The following GRIN3A variants were observed in gnomAD, a reference collection of about 807,000 sequenced individuals.
GRIN3A encodes the protein glutamate ionotropic receptor NMDA type subunit 3A, also known as glutamate receptor ionotropic, NMDA 3A.
GRIN3A carries 47 observed loss-of-function variants against 92.4 expected under a neutral mutation model. The observed-to-expected ratio is 0.51, with a 90% CI of 0.40 to 0.65. The LOEUF is 0.65. GRIN3A is among the 30% of genes least tolerant of loss of function. The probability of loss-of-function intolerance (pLI) is 0.00; values close to 1 mark genes in which losing one functional copy is unlikely to be tolerated. For synonymous variants in GRIN3A, 527 were observed against 540.6 expected, an observed-to-expected ratio of 0.97 and a Z score of 0.35; for missense variants, 1,324 against 1,393.1, an observed-to-expected ratio of 0.95 and a Z score of 0.79.
At chr9:101,643,045 G>T (rs1341142754) in intron 3 of GRIN3A, among the ~76,000 whole-genome samples, 6 of 152,116 alleles carry the variant, frequency 3.9e-5, no homozygotes, top group African/African-American at 1.4e-4. Context: ...TAATGCACTT[G>T]AATCATCCCA....
At chr9:101,599,981 T>C (rs1432942246) in intron 6 of GRIN3A, among the ~76,000 whole-genome samples, 1 of 152,196 alleles carries the variant, frequency 6.6e-6, no homozygotes, top group African/African-American at 2.4e-5. Flanking sequence ...AGGTTTGTCA[T>C]CTGTTTGGTT....
chr9:101,617,624 A>ATTT (rs754419366), intron 5 of GRIN3A, among the ~76,000 whole-genome samples: 1 of 150,836 alleles, frequency 6.6e-6, no homozygotes, highest in African/African-American at 2.5e-5. Context: ...TATTTTATTT[A>ATTT]TTTATTTTGT....
intron 8 of GRIN3A, among the ~76,000 whole-genome samples, chr9:101,576,134 T>C (rs11791337): frequency 0.092 from 13,995 of 152,218 alleles, 695 homozygotes; most frequent in Middle Eastern, 0.14. Flanking sequence ...ACATTTAGGC[T>C]TTGCTTTGAT....
rs760295665 is a variant in GRIN3A at position 101,687,002 on chromosome 9, T to A, written c.898A>T (p.Asn300Tyr). ...HLGSIINITA[N>Y]LPSTQDLLSF... ...AAGAGGTCCTGGGTGGAGGGGAGGT[T>A]AGCGGTGATGTTGATGATAGAACCA... The change falls in exon 2 of 9, where the codon AAC (asparagine) becomes TAC (tyrosine). Residue 300 changes from asparagine to tyrosine, a missense_variant. Coordinates refer to ENST00000361820, the MANE Select transcript of GRIN3A (RefSeq NM_133445.3). The A allele has an allele frequency of 6.2e-7, 1 of 1,614,070 alleles. No individual in the cohort carries two copies.
chr9:101,717,016 G>C (rs1450748681), intron 1 of GRIN3A, among the ~76,000 whole-genome samples: 1 of 152,046 alleles, frequency 6.6e-6, no homozygotes, highest in East Asian at 1.9e-4. Flanking sequence ...GTATTATTTG[G>C]GACTGTTTTG....
intron 1 of GRIN3A, among the ~76,000 whole-genome samples, chr9:101,729,960 T>G (rs1830119797): frequency 1.3e-5 from 2 of 152,176 alleles, no homozygotes; most frequent in Non-Finnish European, 1.5e-5. Flanking sequence ...TGTTCTATTG[T>G]TCCCTGAGTT....
Position 101,573,381 on chromosome 9 carries a change from G to A in GRIN3A, c.3141C>T (p.Pro1047=), listed in dbSNP as rs368157589. 3.7e-6 allele frequency: 6 copies of A among 1,613,956 alleles called. No homozygotes were observed. The highest frequency in any genetic ancestry group is 5.1e-6 in the Non-Finnish European group (6 of 1,179,994). ...GGAGCTCTCTTCTCCTTGGAGGGAG[G>A]GGGATGTCCTGGTGGATCCGGATGC... ...QLGIRIHQDI[P]LPPRRRELPA... Residue 1047 remains proline, a synonymous_variant, in exon 9 of 9, where the codon CCC becomes CCT. Transcript: ENST00000361820.
intron 2 of GRIN3A, among the ~76,000 whole-genome samples, chr9:101,680,751 G>A (rs546720677): frequency 1.3e-5 from 2 of 152,274 alleles, no homozygotes; most frequent in Admixed American, 6.5e-5. Flanking sequence ...TATTCCTTCT[G>A]TCTCCAGACA....
At chr9:101,711,234 C>T (rs75780454) in intron 1 of GRIN3A, among the ~76,000 whole-genome samples, 237 of 152,226 alleles carry the variant, frequency 1.6e-3, no homozygotes, top group African/African-American at 5.6e-3. Flanking sequence ...ATCATCGAGC[C>T]ATGATGACAT....
intron 3 of GRIN3A, among the ~76,000 whole-genome samples, chr9:101,630,643 T>G (rs1828698722): frequency 1.3e-5 from 2 of 152,214 alleles, no homozygotes; most frequent in Non-Finnish European, 2.9e-5. Context: ...TCCCTCTGTC[T>G]GGATTTGCTA....
At chr9:101,629,886 T>A (rs1475004180) in intron 3 of GRIN3A, among the ~76,000 whole-genome samples, 3 of 152,216 alleles carry the variant, frequency 2.0e-5, no homozygotes. Context: ...AACCCATGTC[T>A]ATCTTATTTC....
chr9:101,738,255 C>T lies in GRIN3A; in HGVS notation c.-276G>A, dbSNP rs1830245540. ...AGGCGGGCGGGCCGGCGCCTGTCAC[C>T]CGCAGCTGGAGCGCCCGTTCCCTGC... On this transcript the variant is annotated 5_prime_UTR_variant, in exon 1 of 9. Coordinates refer to ENST00000361820, the MANE Select transcript of GRIN3A (RefSeq NM_133445.3). The T allele has an allele frequency of 1.2e-5, 6 of 497,752 alleles. No individual in the cohort carries two copies. The highest frequency in any genetic ancestry group is 1.1e-4 in the South Asian group (5 of 45,580). The allele number at this position is 497,752 out of a possible 1,614,324, so 30.8% of individuals were successfully genotyped here.
chr9:101,689,660 C>G (rs1319316786), intron 1 of GRIN3A, among the ~76,000 whole-genome samples: 2 of 152,092 alleles, frequency 1.3e-5, no homozygotes, highest in African/African-American at 4.8e-5. Context: ...TTAGCAGCCT[C>G]AGATGCAGTG....
intron 5 of GRIN3A, among the ~76,000 whole-genome samples, chr9:101,620,246 G>A (rs1828532277): frequency 6.6e-6 from 1 of 152,172 alleles, no homozygotes; most frequent in African/African-American, 2.4e-5. Flanking sequence ...GTGAGGGCCT[G>A]CTTTCTGGTT....
chr9:101,693,960 A>G (rs1220049145), intron 1 of GRIN3A, among the ~76,000 whole-genome samples: 1 of 152,220 alleles, frequency 6.6e-6, no homozygotes, highest in African/African-American at 2.4e-5. Flanking sequence ...GATGTCAACA[A>G]AGATCTTAGC....
At chr9:101,726,197 A>G (rs1228945751) in intron 1 of GRIN3A, among the ~76,000 whole-genome samples, 1 of 152,220 alleles carries the variant, frequency 6.6e-6, no homozygotes, top group Non-Finnish European at 1.5e-5. Flanking sequence ...AGATATCTGG[A>G]TAATTTGAAC....
At chr9:101,618,499 A>G (rs1828500067) in intron 5 of GRIN3A, among the ~76,000 whole-genome samples, 1 of 152,188 alleles carries the variant, frequency 6.6e-6, no homozygotes. Context: ...ACAATGACAT[A>G]CCATCTCACA....
chr9:101,674,889 C>A (rs1226022258), intron 2 of GRIN3A, among the ~76,000 whole-genome samples: 1 of 151,972 alleles, frequency 6.6e-6, no homozygotes, highest in Non-Finnish European at 1.5e-5. Flanking sequence ...CAGGTTGAAA[C>A]TAGACTATGG....
At chr9:101,595,526 T>C (rs867216810) in intron 6 of GRIN3A, among the ~76,000 whole-genome samples, 3 of 152,030 alleles carry the variant, frequency 2.0e-5, no homozygotes, top group Non-Finnish European at 4.4e-5. Flanking sequence ...ATCAAGGCAT[T>C]GATATAGTAT....
Sources: allele counts gnomAD v4.1 joint callset (sites outside exome capture counted in the v4.1 genomes callset), GRCh38; gene constraint gnomAD v4.1.1; transcripts MANE v1.5; gene names NCBI Gene and HGNC (gene_info 2026-07-23, HGNC 2026-07-21).